The following BAZ2B variants were observed in gnomAD, a reference collection of about 807,000 sequenced individuals.
BAZ2B encodes the protein bromodomain adjacent to zinc finger domain 2B.
BAZ2B carries 91 observed loss-of-function variants against 246.0 expected under a neutral mutation model. The observed-to-expected ratio is 0.37, with a 90% CI of 0.31 to 0.44. The LOEUF (loss-of-function observed/expected upper bound fraction) is 0.44. Among genes scored for constraint, BAZ2B ranks in the 20% least tolerant of loss-of-function variants. The probability of loss-of-function intolerance (pLI) is 1.00; values close to 1 mark genes in which losing one functional copy is unlikely to be tolerated. For missense variants in BAZ2B, 2,332 were observed against 2,533.7 expected (o/e 0.92, Z 1.71); for synonymous variants, 855 against 860.0 (o/e 0.99, Z 0.10).
chr2:159,560,478 G>C (rs1371136869), intron 1 of BAZ2B, among the ~76,000 whole-genome samples: 1 of 152,102 alleles, frequency 6.6e-6, no homozygotes, highest in African/African-American at 2.4e-5. Context: ...TTGGATTATG[G>C]ACCATGGACA....
chr2:159,541,597 A>T (rs1451637241), intron 2 of BAZ2B, among the ~76,000 whole-genome samples: 2 of 152,064 alleles, frequency 1.3e-5, no homozygotes, highest in Non-Finnish European at 2.9e-5. Flanking sequence ...TTGTTATTAA[A>T]CAAACAGAAG....
chr2:159,347,477 C>T lies in BAZ2B; in HGVS notation c.5454+9G>A, dbSNP rs760825151. The T allele has an allele frequency of 2.0e-5, 33 of 1,611,384 alleles. No homozygotes were observed. The highest frequency in any genetic ancestry group is 1.6e-4 in the Middle Eastern group (1 of 6,072). On this transcript the variant is annotated intron_variant, in intron 31 of 36. Coordinates refer to ENST00000392783, the MANE Select transcript of BAZ2B (RefSeq NM_013450.4). Reference sequence around the variant, plus strand: ...CCTAAAAACATATTTTATTCCAAGTCGATTTTACCTTCACTTGCAAACTTG... The same window carrying T: ...CCTAAAAACATATTTTATTCCAAGTTGATTTTACCTTCACTTGCAAACTTG...
intron 35 of BAZ2B, among the ~76,000 whole-genome samples, chr2:159,325,196 T>C (rs1424958607): frequency 1.5e-5 from 2 of 136,862 alleles, no homozygotes; most frequent in Non-Finnish European, 3.1e-5. Context: ...AGTGGCACCA[T>C]CTCGGCTCAC....
intron 20 of BAZ2B, among the ~76,000 whole-genome samples, chr2:159,390,870 A>G (rs1379558144): frequency 1.3e-5 from 2 of 152,184 alleles, no homozygotes; most frequent in East Asian, 1.9e-4. Context: ...AGGACAAACT[A>G]TAAGGAAGCT....
chr2:159,391,269 T>C (rs1260110147), intron 20 of BAZ2B, among the ~76,000 whole-genome samples: 1 of 152,154 alleles, frequency 6.6e-6, no homozygotes, highest in Non-Finnish European at 1.5e-5. Flanking sequence ...CACTAAAGAA[T>C]TGCATGTACT....
At chr2:159,347,367 G>T in intron 31 of BAZ2B, 119 bp downstream of exon 31, 1 of 1,201,002 alleles carries the variant, frequency 8.3e-7, no homozygotes, top group Non-Finnish European at 1.2e-6. Context: ...ATTGTTTTCA[G>T]AATTAAATGA....
intron 1 of BAZ2B, among the ~76,000 whole-genome samples, chr2:159,610,817 A>T (rs1364343158): frequency 6.6e-6 from 1 of 152,142 alleles, no homozygotes; most frequent in African/African-American, 2.4e-5. Context: ...AAGTATGTGG[A>T]ATAAAAACTA....
chr2:159,385,234 G>T lies in BAZ2B; in HGVS notation c.3607C>A (p.Gln1203Lys). Reference sequence around the variant, plus strand: ...GCTTTCTGTGCTGGAGTGTGAGCCTGAAAAGCTTTGGTCTTCAGACTTTCA... The same window carrying T: ...GCTTTCTGTGCTGGAGTGTGAGCCTTAAAAGCTTTGGTCTTCAGACTTTCA... ...LTESLKTKAF[Q>K]AHTPAQKASV... The change falls in exon 23 of 37, where the codon CAG becomes AAG. Residue 1203 changes from glutamine to lysine, a missense_variant. Gln to Lys is a moderately conservative substitution (Grantham distance 53). This residue lies in a region of BAZ2B where 328 missense variants were observed against 410.4 expected (regional missense o/e 0.80). Coordinates refer to ENST00000392783, the MANE Select transcript of BAZ2B (RefSeq NM_013450.4). 1 of 1,613,638 alleles carries T rather than the reference G, an allele frequency of 6.2e-7. No homozygotes were observed. Among genetic ancestry groups the T allele is most frequent in the Non-Finnish European group, 8.5e-7 (1 of 1,179,690 alleles).
chr2:159,421,570 T>C (rs958921565), intron 13 of BAZ2B, among the ~76,000 whole-genome samples: 2 of 152,184 alleles, frequency 1.3e-5, no homozygotes, highest in Non-Finnish European at 2.9e-5. Context: ...CAGTAAATGA[T>C]AAATTTATCT....
chr2:159,446,648 T>C, intron 6 of BAZ2B, 134 bp downstream of exon 6: 1 of 739,584 alleles, frequency 1.4e-6, no homozygotes, highest in Non-Finnish European at 2.1e-6. Flanking sequence ...ACTGACACCA[T>C]AAATCACGTA....
At chr2:159,625,778 G>A in the BAZ2B span, among the ~76,000 whole-genome samples, 1 of 152,050 alleles carries the variant, frequency 6.6e-6, no homozygotes, top group Non-Finnish European at 1.5e-5. Flanking sequence ...ACGAACAGGC[G>A]AAACAACCAG....
At chr2:159,541,447 T>C (rs907505478) in intron 2 of BAZ2B, among the ~76,000 whole-genome samples, 4 of 151,930 alleles carry the variant, frequency 2.6e-5, no homozygotes, top group Non-Finnish European at 4.4e-5. Flanking sequence ...CTGGCTAATT[T>C]TTTGTATTTT....
At chr2:159,607,477 G>A (rs1470594268) in intron 1 of BAZ2B, among the ~76,000 whole-genome samples, 2 of 152,116 alleles carry the variant, frequency 1.3e-5, no homozygotes, top group African/African-American at 4.8e-5. Flanking sequence ...TTTTAACCCG[G>A]CCTTCACAAA....
At chr2:159,628,462 C>T in the BAZ2B span, among the ~76,000 whole-genome samples, 9,993 of 152,116 alleles carry the variant, frequency 0.066, 422 homozygotes, top group Middle Eastern at 0.19. Context: ...GTACTGGTAC[C>T]GAAACAGATA....
intron 1 of BAZ2B, among the ~76,000 whole-genome samples, chr2:159,591,209 T>C (rs1689331237): frequency 6.6e-6 from 1 of 152,182 alleles, no homozygotes; most frequent in Admixed American, 6.5e-5. Context: ...TTTCCAACTA[T>C]TAAGAAAGCT....
chr2:159,366,576 ATAG>A (rs1346391143), intron 27 of BAZ2B, among the ~76,000 whole-genome samples: 1 of 152,260 alleles, frequency 6.6e-6, no homozygotes, highest in East Asian at 1.9e-4. Context: ...CTTGCCTTGA[ATAG>A]TCACCTACGA....
chr2:159,327,493 T>G (rs1575628358), intron 34 of BAZ2B, among the ~76,000 whole-genome samples: 2 of 152,342 alleles, frequency 1.3e-5, no homozygotes, highest in African/African-American at 4.8e-5. Context: ...TATGTTTTAT[T>G]CAGTCTCTTC....
intron 1 of BAZ2B, among the ~76,000 whole-genome samples, chr2:159,602,905 G>A (rs1024063656): frequency 2.0e-5 from 3 of 152,230 alleles, no homozygotes; most frequent in African/African-American, 7.2e-5. Context: ...GGAAGGCTGA[G>A]GAGGGTGGAC....
At chr2:159,448,475 GCTTT>G (rs563774769) in intron 4 of BAZ2B, 66 bp from the exon 5 acceptor site, 348 of 1,475,578 alleles carry the variant, frequency 2.4e-4, no homozygotes, top group Non-Finnish European at 3.0e-4. Flanking sequence ...CGTCACAATG[GCTTT>G]CTATGTTTTA....
Sources: allele counts gnomAD v4.1 joint callset (sites outside exome capture counted in the v4.1 genomes callset), GRCh38; gene constraint gnomAD v4.1.1; regional missense constraint gnomAD v4.1.1; transcripts MANE v1.5; gene names NCBI Gene and HGNC (gene_info 2026-07-23, HGNC 2026-07-21).